The following BTBD9 variants were observed in gnomAD, a reference collection of about 807,000 sequenced individuals.
BTBD9 encodes BTB domain containing 9.
Under a neutral mutation model 64.3 loss-of-function variants are expected in BTBD9, and 49 were observed. That is an observed-to-expected ratio of 0.76 (90% CI 0.61 to 0.97). The LOEUF (loss-of-function observed/expected upper bound fraction) is 0.97. Among genes scored for constraint, BTBD9 ranks in the 50% least tolerant of loss-of-function variants. BTBD9 has a pLI of 0.00. For missense variants in BTBD9, 598 were observed against 762.1 expected, an observed-to-expected ratio of 0.78 and a Z score of 2.53; for synonymous variants, 260 against 274.7, an observed-to-expected ratio of 0.95 and a Z score of 0.53.
At position 38,292,813 on chromosome 6, in the gene BTBD9, T is replaced by G. The variant is rs181331182; in HGVS notation, c.1265-4352A>C. The stretch of plus-strand genomic sequence containing the variant: ...TTTTGAAGGGTTTTTCATGTCTCTA[T>G]CTCCTTCAGTTCTGCTCTCCTCTTA... On this transcript the variant is annotated intron_variant, in intron 7 of 10. Coordinates refer to ENST00000481247, the MANE Select transcript of BTBD9 (RefSeq NM_001099272.2). Among the ~76,000 whole-genome samples, 675 of 152,306 alleles carry G rather than the reference T, an allele frequency of 4.4e-3. 4 individuals carry two copies. The highest frequency in any genetic ancestry group is 0.015 in the African/African-American group (641 of 41,566).
chr6:38,583,812 A>G (rs2127480124), intron 4 of BTBD9, among the ~76,000 whole-genome samples: 1 of 152,278 alleles, frequency 6.6e-6, no homozygotes, highest in South Asian at 2.1e-4. Context: ...AACAGAGAAC[A>G]TCTACACAAG....
rs1253509421 is a variant in BTBD9, at chr6:38,217,712, T to A, written c.1563-25115A>T. Reference sequence around the variant, plus strand: ...TTTTTCTTTTTTCTTTTTTTTTTTTTAACTGAGAGAGACAGCCAACACGTG... The same window carrying A: ...TTTTTCTTTTTTCTTTTTTTTTTTTAAACTGAGAGAGACAGCCAACACGTG... On this transcript the variant is annotated intron_variant, in intron 9 of 10. Transcript: ENST00000481247. Among the ~76,000 whole-genome samples the A allele has an allele frequency of 1.5e-3, 229 of 151,260 alleles. 1 individual carries two copies. The highest frequency in any genetic ancestry group is 2.7e-3 in the Non-Finnish European group (180 of 67,770).
At chr6:38,227,756 C>T (rs1582081331) in intron 9 of BTBD9, among the ~76,000 whole-genome samples, 1 of 152,252 alleles carries the variant, frequency 6.6e-6, no homozygotes, top group Non-Finnish European at 1.5e-5. Flanking sequence ...GGCATTCTCT[C>T]CTTGCCAAGA....
intron 6 of BTBD9, among the ~76,000 whole-genome samples, chr6:38,568,564 T>C (rs573488124): frequency 1.3e-5 from 2 of 152,322 alleles, no homozygotes; most frequent in African/African-American, 4.8e-5. Flanking sequence ...ATTCTGTTCC[T>C]TCCTTGCTTC....
intron 1 of BTBD9, among the ~76,000 whole-genome samples, chr6:38,619,366 C>A (rs1372228218): frequency 6.6e-6 from 1 of 152,196 alleles, no homozygotes; most frequent in Non-Finnish European, 1.5e-5. Context: ...TCATGGCCCT[C>A]AGACAAACAA....
At chr6:38,621,347 A>G (rs538890178) in intron 1 of BTBD9, among the ~76,000 whole-genome samples, 140 of 152,346 alleles carry the variant, frequency 9.2e-4, no homozygotes, top group Non-Finnish European at 1.8e-3. Flanking sequence ...GAACCAATCA[A>G]GCATGACTGC....
intron 6 of BTBD9, among the ~76,000 whole-genome samples, chr6:38,514,952 G>A (rs1420913025): frequency 1.3e-5 from 2 of 152,122 alleles, no homozygotes; most frequent in Non-Finnish European, 1.5e-5. Context: ...AGCAAATGTA[G>A]CCAAGAAGAA....
chr6:38,220,247 C>G (rs537333450), intron 9 of BTBD9, among the ~76,000 whole-genome samples: 6 of 152,256 alleles, frequency 3.9e-5, no homozygotes, highest in Non-Finnish European at 7.3e-5. Context: ...CTGACGTTCA[C>G]TAGTCCCACT....
chr6:38,553,734 T>A (rs1169693280), intron 6 of BTBD9, among the ~76,000 whole-genome samples: 1 of 152,054 alleles, frequency 6.6e-6, no homozygotes, highest in Non-Finnish European at 1.5e-5. Flanking sequence ...GCATGTGTAG[T>A]CCCAGCTACT....
intron 3 of BTBD9, 80 bp downstream of exon 3, chr6:38,593,884 A>T: frequency 1.6e-6 from 2 of 1,230,330 alleles, no homozygotes; most frequent in Non-Finnish European, 2.3e-6. Context: ...TATTATTCTT[A>T]GTCCATTGCT....
chr6:38,575,024 G>A (rs1320900349), intron 6 of BTBD9, among the ~76,000 whole-genome samples: 1 of 152,156 alleles, frequency 6.6e-6, no homozygotes, highest in African/African-American at 2.4e-5. Flanking sequence ...TGTATTAGAT[G>A]TAATCTTTCA....
intron 6 of BTBD9, among the ~76,000 whole-genome samples, chr6:38,549,885 T>C (rs1488358786): frequency 1.3e-5 from 2 of 152,142 alleles, no homozygotes; most frequent in Non-Finnish European, 2.9e-5. Context: ...TCAGTTTTAA[T>C]CTTACATGAC....
intron 10 of BTBD9, among the ~76,000 whole-genome samples, chr6:38,180,881 C>A (rs1402739749): frequency 6.6e-6 from 1 of 152,234 alleles, no homozygotes; most frequent in Non-Finnish European, 1.5e-5. Flanking sequence ...TCCGACACAG[C>A]CTCAGTCACA....
chr6:38,178,910 G>T (rs1337985681), intron 10 of BTBD9, among the ~76,000 whole-genome samples: 1 of 152,008 alleles, frequency 6.6e-6, no homozygotes, highest in African/African-American at 2.4e-5. Context: ...TGGGGTGCAG[G>T]GGGGCTATCT....
Position 38,184,802 on chromosome 6 carries a change from GT to G in BTBD9, c.1641+7716del, listed in dbSNP as rs1761745124. 6.6e-6 allele frequency among the ~76,000 whole-genome samples: 1 copy of G among 152,038 alleles called. No homozygotes were observed. Among genetic ancestry groups the G allele is most frequent in the African/African-American group, 2.4e-5 (1 of 41,360 alleles). On this transcript the variant is annotated intron_variant, in intron 10 of 10. Coordinates refer to ENST00000481247, the MANE Select transcript of BTBD9 (RefSeq NM_001099272.2). This position sits in a 1 kb window ranked among gnomAD's most constrained non-coding sequence, Gnocchi z 4.4. ...CTTTAAGAGTCTGTTTCCCTGTTTT[GT>G]TTTTTTCCATTAGAGCCACATGTTG...
At chr6:38,512,816 T>C (rs1772833376) in intron 6 of BTBD9, among the ~76,000 whole-genome samples, 1 of 152,232 alleles carries the variant, frequency 6.6e-6, no homozygotes. Flanking sequence ...ATTATATTGA[T>C]AGAATTTTGT....
rs549223298 is a variant in BTBD9 at position 38,550,200 on chromosome 6, T to A, written c.1154+27400A>T. On this transcript the variant is annotated intron_variant, in intron 6 of 10. Coordinates refer to ENST00000481247, the MANE Select transcript of BTBD9 (RefSeq NM_001099272.2). ...ATCTAAAATGTTCAAACTGAGGTAT[T>A]CCAAAACCTATTCTTCACATTCTTC... Among the ~76,000 whole-genome samples the A allele has an allele frequency of 3.4e-4, 51 of 152,216 alleles. 1 individual carries two copies. Among genetic ancestry groups the A allele is most frequent in the Non-Finnish European group, 7.1e-4 (48 of 68,054 alleles).
intron 6 of BTBD9, among the ~76,000 whole-genome samples, chr6:38,429,455 CA>C (rs201995368): frequency 2.1e-3 from 220 of 102,490 alleles, no homozygotes; most frequent in Admixed American, 3.3e-3. Flanking sequence ...GACTACGTCT[CA>C]AAAAAAAAAA....
At chr6:38,474,096 A>G (rs1357897866) in intron 6 of BTBD9, among the ~76,000 whole-genome samples, 1 of 152,212 alleles carries the variant, frequency 6.6e-6, no homozygotes, top group Non-Finnish European at 1.5e-5. Flanking sequence ...ACTTCCATAT[A>G]ATGAGAAGCT....
Sources: gnomAD v4.1 joint callset for allele counts (sites outside exome capture counted in the v4.1 genomes callset) on GRCh38, gnomAD v4.1.1 for gene constraint, Gnocchi (gnomAD v3.1) non-coding constraint, MANE v1.5 for transcripts, NCBI Gene and HGNC (gene_info 2026-07-23, HGNC 2026-07-21) for gene names.